NCOA2: variants seen among roughly 807,000 people sequenced by gnomAD.
NCOA2 encodes class E basic helix-loop-helix protein 75.
In NCOA2, 21 loss-of-function variants were observed where a neutral mutation model predicts 145.1. The ratio of observed to expected loss-of-function variants is 0.14; its 90% CI spans 0.10 to 0.21. The LOEUF is 0.21. Among genes scored for constraint, NCOA2 ranks in the 10% least tolerant of loss-of-function variants. The probability of loss-of-function intolerance (pLI) is 1.00; values close to 1 mark genes in which losing one functional copy is unlikely to be tolerated. For synonymous variants in NCOA2, 619 were observed against 637.5 expected (o/e 0.97, Z 0.44); for missense variants, 1,472 against 1,837.6 (o/e 0.80, Z 3.64).
At chr8:70,176,641 G>T (rs776671093) in intron 4 of NCOA2, among the ~76,000 whole-genome samples, 2 of 152,138 alleles carry the variant, frequency 1.3e-5, no homozygotes, top group Non-Finnish European at 2.9e-5. Flanking sequence ...GTGCACTGGG[G>T]CATACTTTTT....
intron 4 of NCOA2, among the ~76,000 whole-genome samples, chr8:70,188,629 TTAAA>T (rs1312142821): frequency 7.2e-5 from 11 of 152,128 alleles, no homozygotes; most frequent in Non-Finnish European, 1.3e-4. Context: ...AAAAACTAGC[TTAAA>T]TAATTTAATT....
intron 14 of NCOA2, 114 bp from the exon 15 acceptor site, chr8:70,138,446 T>C (rs1809995921): frequency 1.9e-6 from 2 of 1,039,546 alleles, no homozygotes; most frequent in Non-Finnish European, 1.3e-6. Context: ...ACAGAAGCAG[T>C]AATAATTAAC....
Position 70,113,529 on chromosome 8 carries a change from G to T in NCOA2, c.*103C>A. On this transcript the variant is annotated 3_prime_UTR_variant, in exon 23 of 23. Transcript: ENST00000452400. The stretch of plus-strand genomic sequence containing the variant: ...CCTGTCTGCTCTAGCAGAACCGGCT[G>T]GCAGGTCAGTTGGGTTGAAACAAAT... 7.4e-7 allele frequency: 1 copy of T among 1,347,656 alleles called. No homozygotes were observed. The highest frequency in any genetic ancestry group is 1.0e-6 in the Non-Finnish European group (1 of 964,132). 83.5% of individuals were successfully genotyped at this position (1,347,656 alleles called of 1,614,324 possible). A position where few individuals can be genotyped will look rare whatever the true frequency, so the allele number is the denominator to read the frequency against.
intron 1 of NCOA2, among the ~76,000 whole-genome samples, chr8:70,318,674 A>C (rs1805807036): frequency 1.3e-5 from 2 of 152,106 alleles, no homozygotes; most frequent in African/African-American, 4.8e-5. Flanking sequence ...AGGCTGTGGG[A>C]GGATCATTTG....
At chr8:70,442,800 T>C in the NCOA2 span, among the ~76,000 whole-genome samples, 3 of 152,170 alleles carry the variant, frequency 2.0e-5, no homozygotes, top group Admixed American at 2.0e-4. Flanking sequence ...TGGAGGATGA[T>C]TCTAGCTGTC....
intron 4 of NCOA2, among the ~76,000 whole-genome samples, chr8:70,203,640 G>T (rs891348887): frequency 1.3e-5 from 2 of 151,950 alleles, no homozygotes; most frequent in East Asian, 3.9e-4. Context: ...AAGCTAACCA[G>T]TGAATGACAA....
chr8:70,339,046 A>C (rs568871578), intron 1 of NCOA2, among the ~76,000 whole-genome samples: 81 of 152,272 alleles, frequency 5.3e-4, no homozygotes, highest in Non-Finnish European at 9.1e-4. Context: ...CCCCTCTCTC[A>C]ACATTTCTAT....
At chr8:70,179,699 T>C (rs1439317560) in intron 4 of NCOA2, among the ~76,000 whole-genome samples, 1 of 152,148 alleles carries the variant, frequency 6.6e-6, no homozygotes, top group African/African-American at 2.4e-5. Context: ...CCATTAACCA[T>C]AAAAATATAT....
chr8:70,224,939 C>T (rs1820482497), intron 2 of NCOA2, among the ~76,000 whole-genome samples: 1 of 151,890 alleles, frequency 6.6e-6, no homozygotes, highest in Non-Finnish European at 1.5e-5. Flanking sequence ...CCTCCTGCTC[C>T]TCTGTTCCCC....
At chr8:70,445,410 G>A in the NCOA2 span, among the ~76,000 whole-genome samples, 2 of 152,128 alleles carry the variant, frequency 1.3e-5, no homozygotes. Context: ...TTGCTCCCCT[G>A]CTGGTTTGCT....
chr8:70,403,710 C>A lies in NCOA2; in HGVS notation c.-87G>T. 2.5e-6 allele frequency: 1 copy of A among 395,528 alleles called. No individual in the cohort carries two copies. The highest frequency in any genetic ancestry group is 1.3e-4 in the South Asian group (1 of 7,826). The allele number at this position is 395,528 out of a possible 1,614,324, so 24.5% of individuals were successfully genotyped here. On this transcript the variant is annotated 5_prime_UTR_variant, in exon 1 of 23. Transcript: ENST00000452400. ...GGAAGGCGCGGTTACCGGCTCGGGT[C>A]GGTCACGCCGTCAGGTGCCGGCTGC...
At chr8:70,308,519 T>C (rs755807122) in intron 1 of NCOA2, among the ~76,000 whole-genome samples, 1 of 151,980 alleles carries the variant, frequency 6.6e-6, no homozygotes, top group Non-Finnish European at 1.5e-5. Context: ...ATAAAACATG[T>C]ATATACAAAC....
chr8:70,124,918 T>C (rs1356472638), intron 19 of NCOA2, 53 bp from the exon 20 acceptor site: 16 of 1,475,514 alleles, frequency 1.1e-5, no homozygotes, highest in Non-Finnish European at 1.5e-5. Context: ...AGTTATATTG[T>C]AGAGACTGGT....
chr8:70,442,138 A>AAAGAAAGAAAGAAAGAAAG, the NCOA2 span, among the ~76,000 whole-genome samples: 3 of 124,276 alleles, frequency 2.4e-5, no homozygotes, highest in African/African-American at 8.3e-5. Flanking sequence ...AAAGAAAGAA[A>AAAGAAAGAAAGAAAGAAAG]GAAAGAAAGA....
rs1476966977 is a variant in NCOA2, at chr8:70,110,116, A to G, written c.*3516T>C. 1 of 198,942 alleles carries G rather than the reference A, an allele frequency of 5.0e-6. No individual in the cohort carries two copies. The highest frequency in any genetic ancestry group is 7.8e-5 in the East Asian group (1 of 12,744). 12.3% of individuals were successfully genotyped at this position (198,942 alleles called of 1,614,324 possible). ...TTGTATAATCTTTTCATATACACAC[A>G]TCTCAGATGCAACTTCATGAGGAAC... On this transcript the variant is annotated 3_prime_UTR_variant, in exon 23 of 23. Coordinates refer to ENST00000452400, the MANE Select transcript of NCOA2 (RefSeq NM_006540.4).
rs1806569168 is a variant in NCOA2 at position 70,111,867 on chromosome 8, T to C, written c.*1765A>G. 1 of 221,766 alleles carries C rather than the reference T, an allele frequency of 4.5e-6. No individual in the cohort carries two copies. The highest frequency in any genetic ancestry group is 9.0e-6 in the Non-Finnish European group (1 of 110,982). 13.7% of individuals were successfully genotyped at this position (221,766 alleles called of 1,614,324 possible). On this transcript the variant is annotated 3_prime_UTR_variant, in exon 23 of 23. Coordinates refer to ENST00000452400, the MANE Select transcript of NCOA2 (RefSeq NM_006540.4). Reference sequence around the variant, plus strand: ...TGGCTAATGAGATATTATAAAATGCTTTGCTTTTTAGACATCAAAAAGATA... The same window carrying C: ...TGGCTAATGAGATATTATAAAATGCCTTGCTTTTTAGACATCAAAAAGATA...
chr8:70,305,658 C>T (rs1827831547), intron 1 of NCOA2, among the ~76,000 whole-genome samples: 1 of 151,816 alleles, frequency 6.6e-6, no homozygotes, highest in African/African-American at 2.4e-5. Flanking sequence ...GTATTTTAAA[C>T]AGAAAAAAAA....
chr8:70,113,528 T>C lies in NCOA2; in HGVS notation c.*104A>G, dbSNP rs1806735471. On this transcript the variant is annotated 3_prime_UTR_variant, in exon 23 of 23. Coordinates refer to ENST00000452400, the MANE Select transcript of NCOA2 (RefSeq NM_006540.4). Reference sequence around the variant, plus strand: ...GCCTGTCTGCTCTAGCAGAACCGGCTGGCAGGTCAGTTGGGTTGAAACAAA... The same window carrying C: ...GCCTGTCTGCTCTAGCAGAACCGGCCGGCAGGTCAGTTGGGTTGAAACAAA... The C allele has an allele frequency of 3.7e-6, 5 of 1,346,682 alleles. No homozygotes were observed. The highest frequency in any genetic ancestry group is 5.2e-6 in the Non-Finnish European group (5 of 963,448). The allele number at this position is 1,346,682 out of a possible 1,614,324, so 83.4% of individuals were successfully genotyped here.
At chr8:70,113,679 T>G in intron 22 of NCOA2, 36 bp from the exon 23 acceptor site, 1 of 1,548,218 alleles carries the variant, frequency 6.5e-7, no homozygotes, top group Non-Finnish European at 8.7e-7. Flanking sequence ...TGAAACATCT[T>G]TGAGGTTTTG....
Sources: gnomAD v4.1 joint callset for allele counts (sites outside exome capture counted in the v4.1 genomes callset) on GRCh38, gnomAD v4.1.1 for gene constraint, MANE v1.5 for transcripts, NCBI Gene and HGNC (gene_info 2026-07-23, HGNC 2026-07-21) for gene names.